Variants in STX5 observed in about 807,000 individuals in gnomAD.
STX5 encodes the protein syntaxin 5, also known as syntaxin-5.
STX5 carries 15 observed loss-of-function variants against 42.9 expected under a neutral mutation model. The observed-to-expected ratio is 0.35, with a 90% CI of 0.23 to 0.54. STX5 has a LOEUF of 0.54. Ranked by LOEUF, STX5 falls within the 20% of genes least tolerant of loss-of-function variation. STX5 has a pLI of 0.91. For missense variants in STX5, 430 were observed against 455.0 expected, an observed-to-expected ratio of 0.95 and a Z score of 0.50; for synonymous variants, 184 against 173.2, an observed-to-expected ratio of 1.06 and a Z score of -0.49.
chr11:62,812,073 C>CTTTTTTTTTT (rs1192177705), intron 10 of STX5, among the ~76,000 whole-genome samples: 1 of 113,790 alleles, frequency 8.8e-6, no homozygotes, highest in African/African-American at 3.2e-5. Flanking sequence ...ACTCAAATAC[C>CTTTTTTTTTT]TTTTTTTTTT....
chr11:62,828,746 TAAACAAAC>T (rs58225409), intron 2 of STX5, among the ~76,000 whole-genome samples: 2 of 147,166 alleles, frequency 1.4e-5, no homozygotes, highest in African/African-American at 5.3e-5. Context: ...AATAAATAAA[TAAACAAAC>T]AAACAAACAA....
At chr11:62,831,849 G>A (rs1043263209) in intron 1 of STX5, 105 bp downstream of exon 1, 25 of 453,870 alleles carry the variant, frequency 5.5e-5, no homozygotes, top group Middle Eastern at 3.3e-4. Flanking sequence ...GGCAGGACTT[G>A]CCCGCTCGCC....
chr11:62,819,708 G>C (rs2084717628), intron 10 of STX5, among the ~76,000 whole-genome samples: 1 of 150,372 alleles, frequency 6.7e-6, no homozygotes, highest in Non-Finnish European at 1.5e-5. Context: ...TTTTGTTTTT[G>C]TTTTTTCAGA....
intron 5 of STX5, among the ~76,000 whole-genome samples, chr11:62,826,862 A>G (rs944777432): frequency 3.3e-5 from 5 of 149,896 alleles, no homozygotes; most frequent in Admixed American, 6.7e-5. Context: ...CCTGGGTGAA[A>G]GAGCAAAACT....
Position 62,831,276 on chromosome 11 carries a change from G to T in STX5, c.-19-14C>A, listed in dbSNP as rs764906740. On this transcript the variant is annotated splice_polypyrimidine_tract_variant and intron_variant, in intron 1 of 10. Transcript: ENST00000294179. ...CATAACCTCGGACTGTTGTGGAGGG[G>T]AGAGTGTCATTCCCCAGGCAACTTC... is the stretch of plus-strand genomic sequence containing the variant. The T allele has an allele frequency of 6.5e-7, 1 of 1,526,780 alleles. No homozygotes were observed. Among genetic ancestry groups the T allele is most frequent in the Non-Finnish European group, 8.9e-7 (1 of 1,124,894 alleles). The allele number at this position is 1,526,780 out of a possible 1,614,324, so 94.6% of individuals were successfully genotyped here.
intron 10 of STX5, among the ~76,000 whole-genome samples, chr11:62,817,437 G>T (rs1269053818): frequency 6.6e-6 from 1 of 152,090 alleles, no homozygotes; most frequent in Non-Finnish European, 1.5e-5. Flanking sequence ...AAAAAACAAT[G>T]ATCTTAGTTC....
rs546827382 is a variant in STX5 at position 62,828,508 on chromosome 11, C to T, written c.226-877G>A. Among the ~76,000 whole-genome samples the T allele has an allele frequency of 5.1e-4, 78 of 152,062 alleles. 1 individual carries two copies. Among genetic ancestry groups the T allele is most frequent in the African/African-American group, 1.7e-3 (71 of 41,470 alleles). ...TTGGAAAGCTGAGGCAGGCGGATCA[C>T]GAGGTCAAGAGATTGAGACCAACCT... is the stretch of plus-strand genomic sequence containing the variant. On this transcript the variant is annotated intron_variant, in intron 2 of 10. Transcript: ENST00000294179.
intron 10 of STX5, among the ~76,000 whole-genome samples, chr11:62,823,378 T>A (rs2134843020): frequency 6.6e-6 from 1 of 152,074 alleles, no homozygotes; most frequent in South Asian, 2.1e-4. Context: ...TTCACCATGT[T>A]GCCCAGGCTG....
At chr11:62,815,522 G>A (rs2084664029) in intron 10 of STX5, among the ~76,000 whole-genome samples, 1 of 150,948 alleles carries the variant, frequency 6.6e-6, no homozygotes, top group African/African-American at 2.4e-5. Context: ...TCATAGATAG[G>A]ATAACGGCGT....
intron 10 of STX5, among the ~76,000 whole-genome samples, chr11:62,814,253 C>A (rs2134817701): frequency 6.6e-6 from 1 of 152,272 alleles, no homozygotes; most frequent in South Asian, 2.1e-4. Flanking sequence ...GCAACCTCCA[C>A]CTCCTGGGTT....
Position 62,825,470 on chromosome 11 carries a change from C to G in STX5, c.493G>C (p.Gly165Arg), listed in dbSNP as rs928611355. Residue 165 changes from glycine (G) to arginine (R), a missense_variant, in exon 6 of 11, where the codon GGC becomes CGC. Coordinates refer to ENST00000294179, the MANE Select transcript of STX5 (RefSeq NM_003164.5). ...DFVRAKGSQS[G>R]RHLQTHSNTI... The stretch of plus-strand genomic sequence containing the variant: ...TTGGAGTGGGTCTGCAGGTGCCGGC[C>G]ACTCTGGCTGCCCTTGGCTCTCACG... 2 of 1,614,070 alleles carry G rather than the reference C, an allele frequency of 1.2e-6. No individual in the cohort carries two copies. Among genetic ancestry groups the G allele is most frequent in the Admixed American group, 3.3e-5 (2 of 60,018 alleles).
chr11:62,813,157 C>T (rs919467465), intron 10 of STX5, among the ~76,000 whole-genome samples: 9 of 151,676 alleles, frequency 5.9e-5, no homozygotes, highest in Non-Finnish European at 1.2e-4. Flanking sequence ...GCCTGTAATC[C>T]CAGCTACTCG....
intron 10 of STX5, among the ~76,000 whole-genome samples, chr11:62,816,787 C>T (rs1353018107): frequency 1.4e-5 from 2 of 146,480 alleles, no homozygotes; most frequent in Non-Finnish European, 3.0e-5. Flanking sequence ...TGACTGTACT[C>T]GGGAGGCTGA....
chr11:62,827,502 G>A (rs935827120), intron 3 of STX5, 59 bp downstream of exon 3: 3 of 1,612,422 alleles, frequency 1.9e-6, no homozygotes, highest in South Asian at 1.1e-5. Flanking sequence ...GCCACTGATT[G>A]CAAGTCTACT....
At chr11:62,816,974 T>C (rs2084680965) in intron 10 of STX5, among the ~76,000 whole-genome samples, 1 of 152,026 alleles carries the variant, frequency 6.6e-6, no homozygotes, top group Non-Finnish European at 1.5e-5. Flanking sequence ...TTGTTTGTTT[T>C]TCTGTTTTGA....
intron 8 of STX5, 64 bp from the exon 9 acceptor site, chr11:62,824,629 T>A (rs1250246892): frequency 2.0e-6 from 3 of 1,510,700 alleles, no homozygotes; most frequent in South Asian, 1.1e-5. Context: ...GCCCACATGC[T>A]CTGGGTTTGA....
intron 10 of STX5, among the ~76,000 whole-genome samples, chr11:62,823,705 C>T (rs545597155): frequency 2.0e-5 from 3 of 152,268 alleles, no homozygotes; most frequent in Admixed American, 1.3e-4. Context: ...GCCACCATGC[C>T]CAGCTAGTTT....
intron 5 of STX5, 32 bp from the exon 6 acceptor site, chr11:62,825,571 T>A (rs2084786928): frequency 6.3e-7 from 1 of 1,595,634 alleles, no homozygotes; most frequent in African/African-American, 1.3e-5. Flanking sequence ...AAACAAAGTA[T>A]TAGCCAAGGA....
intron 10 of STX5, among the ~76,000 whole-genome samples, chr11:62,814,628 ATT>A (rs59288995): frequency 6.6e-5 from 9 of 136,512 alleles, no homozygotes; most frequent in Non-Finnish European, 4.8e-5. Flanking sequence ...CGCTCAGCTA[ATT>A]TTTTTTTTTT....
Sources: allele counts gnomAD v4.1 joint callset (sites outside exome capture counted in the v4.1 genomes callset), GRCh38; gene constraint gnomAD v4.1.1; transcripts MANE v1.5; gene names NCBI Gene and HGNC (gene_info 2026-07-23, HGNC 2026-07-21).